Variants in LMNTD1 observed in about 807,000 individuals in gnomAD.
LMNTD1 encodes the protein lamin tail domain-containing protein 1.
Under a neutral mutation model 50.9 loss-of-function variants are expected in LMNTD1, and 35 were observed. The ratio of observed to expected loss-of-function variants is 0.69; its 90% CI spans 0.53 to 0.91. LMNTD1 has a LOEUF of 0.91. LMNTD1 is among the 40% of genes least tolerant of loss of function. LMNTD1 has a pLI of 0.00. For synonymous variants in LMNTD1, 153 were observed against 161.9 expected, an observed-to-expected ratio of 0.94 and a Z score of 0.42; for missense variants, 470 against 475.5, an observed-to-expected ratio of 0.99 and a Z score of 0.11.
chr12:25,549,746 T>C lies in LMNTD1; in HGVS notation c.90-200A>G, dbSNP rs143465646. On this transcript the variant is annotated intron_variant, in intron 2 of 9. Coordinates refer to ENST00000458174, the MANE Select transcript of LMNTD1 (RefSeq NM_001145728.2). The stretch of plus-strand genomic sequence containing the variant: ...TTTATTATCAATATGTTGTATGCTT[T>C]AAAAATATTTGAAAATTAACAAATT... 6.3e-3 allele frequency among the ~76,000 whole-genome samples: 962 copies of C among 152,242 alleles called. 3 individuals carry two copies. Among genetic ancestry groups the C allele is most frequent in the South Asian group, 7.7e-3 (37 of 4,830 alleles).
chr12:25,549,366 T>C lies in LMNTD1; in HGVS notation c.270A>G (p.Lys90=). The C allele has an allele frequency of 6.2e-7, 1 of 1,612,392 alleles. No homozygotes were observed. ...CTCTGGAACAGCTACCTACAGTAGC[T>C]TTAGAAGTCAATTGTCCAGTTGTTG... ...TISTTGQLTS[K]ATVGSCSRVE... Residue 90 remains lysine, a synonymous_variant, in exon 3 of 10, where the codon AAA becomes AAG. Transcript: ENST00000458174.
chr12:25,622,874 T>C (rs146347359), intron 1 of LMNTD1, among the ~76,000 whole-genome samples: 2 of 140,342 alleles, frequency 1.4e-5, no homozygotes, highest in East Asian at 2.0e-4. Context: ...GCTGAATTCA[T>C]AAGACATTTT....
intron 1 of LMNTD1, among the ~76,000 whole-genome samples, chr12:25,570,163 CTATAATA>C (rs2136348930): frequency 6.6e-6 from 1 of 152,246 alleles, no homozygotes; most frequent in East Asian, 1.9e-4. Flanking sequence ...AATAGATACT[CTATAATA>C]TATAAACATG....
chr12:25,623,130 T>C (rs866357588), intron 1 of LMNTD1, among the ~76,000 whole-genome samples: 1 of 152,114 alleles, frequency 6.6e-6, no homozygotes, highest in Admixed American at 6.6e-5. Context: ...GAGAAAACTC[T>C]ATCGTTTCCT....
At chr12:25,536,200 C>CAGT (rs1942570033) in intron 4 of LMNTD1, among the ~76,000 whole-genome samples, 1 of 152,128 alleles carries the variant, frequency 6.6e-6, no homozygotes, top group African/African-American at 2.4e-5. Context: ...AGCAAAAAGA[C>CAGT]AGTAGACAAC....
At chr12:25,507,945 T>G (rs1939941202) in intron 8 of LMNTD1, among the ~76,000 whole-genome samples, 7 of 152,162 alleles carry the variant, frequency 4.6e-5, no homozygotes. Context: ...TATTAATGGT[T>G]AAGACTGTTT....
chr12:25,646,186 T>C (rs1947066474), intron 1 of LMNTD1, among the ~76,000 whole-genome samples: 1 of 152,034 alleles, frequency 6.6e-6, no homozygotes, highest in Non-Finnish European at 1.5e-5. Context: ...CAAGATGGTA[T>C]GGGGTGGAAG....
chr12:25,592,620 C>G (rs948971081), intron 1 of LMNTD1: 1 of 152,560 alleles, frequency 6.6e-6, no homozygotes, highest in African/African-American at 2.4e-5. Flanking sequence ...GTCCTTGGGG[C>G]GGGGGGCAGT....
intron 9 of LMNTD1, among the ~76,000 whole-genome samples, chr12:25,487,033 T>A (rs1938669412): frequency 6.6e-6 from 1 of 151,132 alleles, no homozygotes; most frequent in Non-Finnish European, 1.5e-5. Flanking sequence ...TTACATTTGC[T>A]GAGGAGAGCT....
At chr12:25,594,191 C>T (rs1367454179) in intron 1 of LMNTD1, among the ~76,000 whole-genome samples, 1 of 152,070 alleles carries the variant, frequency 6.6e-6, no homozygotes. Context: ...CCTAGACATC[C>T]AAATACAAGA....
chr12:25,606,586 T>C (rs1041636974), intron 1 of LMNTD1, among the ~76,000 whole-genome samples: 30 of 152,238 alleles, frequency 2.0e-4, no homozygotes, highest in African/African-American at 7.2e-4. Flanking sequence ...TCTATTGAGA[T>C]AATCATGTGG....
intron 1 of LMNTD1, among the ~76,000 whole-genome samples, chr12:25,598,875 A>C (rs1218461272): frequency 6.6e-6 from 1 of 152,092 alleles, no homozygotes; most frequent in African/African-American, 2.4e-5. Flanking sequence ...CTCCCAGTAA[A>C]GAAAAGCCCA....
intron 1 of LMNTD1, among the ~76,000 whole-genome samples, chr12:25,597,878 G>T (rs943012126): frequency 5.3e-5 from 8 of 152,074 alleles, no homozygotes; most frequent in African/African-American, 1.9e-4. Flanking sequence ...GATATGGTTT[G>T]GCTGTGTGTC....
chr12:25,563,029 C>T (rs746638797), intron 1 of LMNTD1, among the ~76,000 whole-genome samples: 13 of 152,302 alleles, frequency 8.5e-5, no homozygotes, highest in Non-Finnish European at 1.3e-4. Flanking sequence ...TTCCAGTTAT[C>T]CATTTGTCCA....
chr12:25,627,929 G>A (rs1344841742), intron 1 of LMNTD1, among the ~76,000 whole-genome samples: 1 of 151,422 alleles, frequency 6.6e-6, no homozygotes, highest in Non-Finnish European at 1.5e-5. Context: ...CTAACACGGT[G>A]AAACCCCGTC....
At chr12:25,643,942 A>G (rs1947005376) in intron 1 of LMNTD1, among the ~76,000 whole-genome samples, 1 of 152,238 alleles carries the variant, frequency 6.6e-6, no homozygotes, top group African/African-American at 2.4e-5. Flanking sequence ...TTTAGAAGTC[A>G]GTCCAGTATT....
chr12:25,511,756 C>T (rs1253820460), intron 8 of LMNTD1, among the ~76,000 whole-genome samples: 1 of 152,148 alleles, frequency 6.6e-6, no homozygotes, highest in African/African-American at 2.4e-5. Flanking sequence ...GTACAAATAC[C>T]TCTAACATCT....
At chr12:25,606,527 A>T (rs1336091449) in intron 1 of LMNTD1, among the ~76,000 whole-genome samples, 6 of 152,284 alleles carry the variant, frequency 3.9e-5, no homozygotes, top group Non-Finnish European at 7.4e-5. Flanking sequence ...ATTTATTGAG[A>T]GTTTTTAGCA....
At chr12:25,544,006 C>T (rs1310796291) in intron 4 of LMNTD1, among the ~76,000 whole-genome samples, 1 of 151,836 alleles carries the variant, frequency 6.6e-6, no homozygotes, top group African/African-American at 2.4e-5. Context: ...AGAGTCTATT[C>T]AGGAAAATGT....
Sources: gnomAD v4.1 joint callset for allele counts (sites outside exome capture counted in the v4.1 genomes callset) on GRCh38, gnomAD v4.1.1 for gene constraint, MANE v1.5 for transcripts, NCBI Gene and HGNC (gene_info 2026-07-23, HGNC 2026-07-21) for gene names.